Variants in MCTP1 observed in about 807,000 individuals in gnomAD.
MCTP1 encodes multiple C2 and transmembrane domain-containing protein 1.
A neutral mutation model predicts 120.6 loss-of-function variants in MCTP1; 69 were observed. The ratio of observed to expected loss-of-function variants is 0.57; its 90% CI spans 0.47 to 0.70. The LOEUF (loss-of-function observed/expected upper bound fraction) is 0.70, where lower values mean the gene tolerates loss of function less well. Among genes scored for constraint, MCTP1 ranks in the 30% least tolerant of loss-of-function variants. The pLI is 0.00. For synonymous variants in MCTP1, 529 were observed against 493.1 expected, an observed-to-expected ratio of 1.07 and a Z score of -0.96; for missense variants, 1,203 against 1,248.8, an observed-to-expected ratio of 0.96 and a Z score of 0.55.
At chr5:94,993,011 T>A (rs1831911312) in intron 2 of MCTP1, among the ~76,000 whole-genome samples, 1 of 152,256 alleles carries the variant, frequency 6.6e-6, no homozygotes, top group East Asian at 1.9e-4. Flanking sequence ...TTATTTTAGT[T>A]ATTCTTATAA....
intron 19 of MCTP1, among the ~76,000 whole-genome samples, chr5:94,752,648 A>C (rs1175327700): frequency 6.6e-6 from 1 of 152,124 alleles, no homozygotes; most frequent in African/African-American, 2.4e-5. Flanking sequence ...ATCTACTCAA[A>C]CTTACCTGAG....
chr5:94,791,112 CAAAAAAAA>C (rs60394333), intron 18 of MCTP1, among the ~76,000 whole-genome samples: 2 of 99,662 alleles, frequency 2.0e-5, no homozygotes, highest in Non-Finnish European at 3.8e-5. Context: ...GTCTCTACTA[CAAAAAAAA>C]AAAAAAAAAA....
chr5:95,186,252 G>A (rs1338287836), intron 1 of MCTP1, among the ~76,000 whole-genome samples: 1 of 146,734 alleles, frequency 6.8e-6, no homozygotes, highest in East Asian at 2.0e-4. Context: ...AAAATCCCAA[G>A]GAATCTACCA....
intron 17 of MCTP1, among the ~76,000 whole-genome samples, chr5:94,819,771 G>A (rs1422187554): frequency 6.6e-6 from 1 of 152,182 alleles, no homozygotes; most frequent in East Asian, 1.9e-4. Flanking sequence ...CAGGAGGATT[G>A]TAGGCACAAT....
intron 1 of MCTP1, among the ~76,000 whole-genome samples, chr5:95,154,863 A>G (rs1018357875): frequency 1.2e-4 from 18 of 152,098 alleles, no homozygotes; most frequent in Non-Finnish European, 1.2e-4. Context: ...TGTCATTTCC[A>G]TGATTTATTA....
At chr5:95,237,415 G>A (rs1196506669) in intron 1 of MCTP1, among the ~76,000 whole-genome samples, 1 of 152,154 alleles carries the variant, frequency 6.6e-6, no homozygotes, top group Non-Finnish European at 1.5e-5. Context: ...CATGCGGTGG[G>A]TTGGAACTCT....
intron 12 of MCTP1, among the ~76,000 whole-genome samples, chr5:94,879,853 G>T (rs1799687256): frequency 6.6e-6 from 1 of 152,028 alleles, no homozygotes. Context: ...AATGGAAATA[G>T]GTAAAGCTCA....
intron 1 of MCTP1, among the ~76,000 whole-genome samples, chr5:95,249,460 A>G (rs930276059): frequency 5.9e-5 from 9 of 152,222 alleles, no homozygotes; most frequent in Non-Finnish European, 1.3e-4. Context: ...AAAATGAGAT[A>G]CCATCTCACG....
intron 1 of MCTP1, among the ~76,000 whole-genome samples, chr5:95,083,593 T>C (rs188589179): frequency 1.2e-4 from 18 of 152,312 alleles, no homozygotes; most frequent in Non-Finnish European, 2.9e-5. Flanking sequence ...AGAGTAGAAC[T>C]GTTGGTTGTT....
intron 17 of MCTP1, among the ~76,000 whole-genome samples, chr5:94,834,812 CTTTTTT>C (rs141103769): frequency 6.8e-5 from 6 of 88,638 alleles, no homozygotes; most frequent in East Asian, 3.1e-4. Flanking sequence ...AACATTCTCT[CTTTTTT>C]TTTTTTTTTT....
At chr5:95,018,257 T>C (rs1265286096) in intron 1 of MCTP1, among the ~76,000 whole-genome samples, 1 of 152,120 alleles carries the variant, frequency 6.6e-6, no homozygotes, top group Non-Finnish European at 1.5e-5. Context: ...TATTTTGTAG[T>C]CTCTGCCACT....
chr5:94,737,826 G>A (rs11135412), intron 19 of MCTP1, among the ~76,000 whole-genome samples: 8,979 of 152,128 alleles, frequency 0.059, 375 homozygotes, highest in East Asian at 0.17. Context: ...AGAGGTGTGC[G>A]CCACCACACT....
intron 10 of MCTP1, among the ~76,000 whole-genome samples, chr5:94,901,693 C>T (rs26998): frequency 0.24 from 37,084 of 151,562 alleles, 4,707 homozygotes; most frequent in Middle Eastern, 0.34. Flanking sequence ...GTGATGTTAT[C>T]CTCTAAAAGT....
chr5:95,242,491 CA>C (rs1385814277), intron 1 of MCTP1, among the ~76,000 whole-genome samples: 3 of 151,914 alleles, frequency 2.0e-5, no homozygotes, highest in Non-Finnish European at 4.4e-5. Context: ...AGAAACAGCC[CA>C]AAGGTCCATT....
chr5:95,246,576 T>C (rs572160162), intron 1 of MCTP1, among the ~76,000 whole-genome samples: 2 of 152,214 alleles, frequency 1.3e-5, no homozygotes, highest in Admixed American at 6.5e-5. Flanking sequence ...GGCCACTACA[T>C]AATGGTAAAG....
intron 12 of MCTP1, among the ~76,000 whole-genome samples, chr5:94,887,645 A>ATG (rs1467686756): frequency 6.8e-4 from 103 of 152,286 alleles, no homozygotes; most frequent in African/African-American, 2.3e-3. Flanking sequence ...AATATTACAA[A>ATG]CTACCCACTC....
chr5:95,092,818 A>G (rs1028252757), intron 1 of MCTP1, among the ~76,000 whole-genome samples: 1 of 152,226 alleles, frequency 6.6e-6, no homozygotes, highest in Non-Finnish European at 1.5e-5. Flanking sequence ...CCTTTACTAA[A>G]GTTTCAGAAA....
In MCTP1 at chr5:95,072,976, A is replaced by G. The variant is rs537602360; in HGVS notation, c.721-55492T>C. ...TAGCCAGGATGGTCTCGATCTCCTG[A>G]CCTCGTGATCCGTTCGCCTTGGCCT... is the stretch of plus-strand genomic sequence containing the variant. On this transcript the variant is annotated intron_variant, in intron 1 of 22. Transcript: ENST00000515393. Among the ~76,000 whole-genome samples, 22 of 151,884 alleles carry G rather than the reference A, an allele frequency of 1.4e-4. No individual in the cohort carries two copies. In the East Asian group the frequency reaches 4.3e-3, roughly 30 times the overall value.
chr5:94,963,263 C>T (rs1011754948), intron 2 of MCTP1, among the ~76,000 whole-genome samples: 1 of 151,750 alleles, frequency 6.6e-6, no homozygotes, highest in African/African-American at 2.4e-5. Context: ...CTGCAATGAA[C>T]ATGGGAGTGC....
Sources: gnomAD v4.1 joint callset for allele counts (sites outside exome capture counted in the v4.1 genomes callset) on GRCh38, gnomAD v4.1.1 for gene constraint, MANE v1.5 for transcripts, NCBI Gene and HGNC (gene_info 2026-07-23, HGNC 2026-07-21) for gene names.